The following NOX5 variants were observed in gnomAD, a reference collection of about 807,000 sequenced individuals.
NOX5 encodes NADPH oxidase 5.
NOX5 carries 76 observed loss-of-function variants against 85.7 expected under a neutral mutation model. The observed-to-expected ratio is 0.89, with a 90% confidence interval of 0.74 to 1.07. The LOEUF (loss-of-function observed/expected upper bound fraction) is 1.07, where lower values mean the gene tolerates loss of function less well. Among genes scored for constraint, NOX5 ranks in the 50% least tolerant of loss-of-function variants. The pLI is 0.00. For synonymous variants in NOX5, 405 were observed against 401.4 expected (o/e 1.01, Z -0.11); for missense variants, 973 against 999.5 (o/e 0.97, Z 0.36).
chr15:69,057,334 C>A lies in NOX5; in HGVS notation c.*638C>A, dbSNP rs1012397768. The A allele has an allele frequency of 6.6e-6, 1 of 152,232 alleles. No individual in the cohort carries two copies. The highest frequency in any genetic ancestry group is 2.4e-5 in the African/African-American group (1 of 41,462). 9.4% of individuals were successfully genotyped at this position (152,232 alleles called of 1,614,324 possible). A position where few individuals can be genotyped will look rare whatever the true frequency, so the allele number is the denominator to read the frequency against. ...GAGGAGCCTTCTTCAAATGCACATTCCTTGGTCCCACTACCAGAAATTCTG... is the reference window on the plus strand; with the variant it reads ...GAGGAGCCTTCTTCAAATGCACATTACTTGGTCCCACTACCAGAAATTCTG... On this transcript the variant is annotated 3_prime_UTR_variant, in exon 16 of 16. Coordinates refer to ENST00000388866, the MANE Select transcript of NOX5 (RefSeq NM_024505.4).
intron 1 of NOX5, chr15:69,022,865 G>A (rs1040074166): frequency 7.6e-6 from 3 of 396,018 alleles, no homozygotes; most frequent in Non-Finnish European, 1.5e-5. Context: ...CAACTGGACT[G>A]GACTCAAGCA....
At position 69,037,016 on chromosome 15, in the gene NOX5, C is replaced by T. The variant is rs1555436402; in HGVS notation, c.1189-12C>T. The T allele has an allele frequency of 6.2e-7, 1 of 1,612,294 alleles. No homozygotes were observed. The highest frequency in any genetic ancestry group is 1.1e-5 in the South Asian group (1 of 90,938). The stretch of plus-strand genomic sequence containing the variant: ...GAGCTCTGGAAGTTGACTGCCCCCC[C>T]TACCCCCATAGGTGTTCTATTGGAC... On this transcript the variant is annotated splice_polypyrimidine_tract_variant and intron_variant, in intron 7 of 15. Coordinates refer to ENST00000388866, the MANE Select transcript of NOX5 (RefSeq NM_024505.4).
At chr15:69,045,572 C>CTTTCTTTCTTT (rs748316277) in intron 10 of NOX5, among the ~76,000 whole-genome samples, 8 of 10,412 alleles carry the variant, frequency 7.7e-4, no homozygotes, top group Admixed American at 1.0e-3. Context: ...TTCTTTCTTC[C>CTTTCTTTCTTT]CTTTCTTTCT....
chr15:69,021,349 C>CTTT (rs59303957), intron 1 of NOX5, among the ~76,000 whole-genome samples: 4 of 134,088 alleles, frequency 3.0e-5, no homozygotes, highest in Non-Finnish European at 4.9e-5. Context: ...CTTTTGAATT[C>CTTT]TTTTTTTTTT....
At chr15:69,047,705 C>T (rs1595788031) in intron 12 of NOX5, 125 bp from the exon 13 acceptor site, 3 of 1,287,906 alleles carry the variant, frequency 2.3e-6, no homozygotes, top group South Asian at 2.8e-5. Context: ...TGTGTCTCAT[C>T]CCTCCCCTTC....
rs779515028 is a variant in NOX5 at position 69,042,813 on chromosome 15, G to T, written c.1647+8G>T. On this transcript the variant is annotated splice_region_variant and intron_variant, in intron 10 of 15. Coordinates refer to ENST00000388866, the MANE Select transcript of NOX5 (RefSeq NM_024505.4). The stretch of plus-strand genomic sequence containing the variant: ...AGTCAAAGGTCGTCCAAGGTAGGTG[G>T]CTACTGGAGGGAAGGGGTCCACTCT... The T allele has an allele frequency of 3.1e-6, 5 of 1,612,132 alleles. No individual in the cohort carries two copies. In the South Asian group the frequency reaches 5.5e-5, roughly 18 times the overall value.
At chr15:69,025,396 A>C (rs895752210) in intron 1 of NOX5, among the ~76,000 whole-genome samples, 1 of 152,166 alleles carries the variant, frequency 6.6e-6, no homozygotes, top group African/African-American at 2.4e-5. Context: ...AAGCACAAAA[A>C]TGTGAAAAAT....
rs776354540 is a variant in NOX5 at position 69,033,034 on chromosome 15, C to G, written c.621-9C>G. On this transcript the variant is annotated splice_polypyrimidine_tract_variant and intron_variant, in intron 4 of 15. Coordinates refer to ENST00000388866, the MANE Select transcript of NOX5 (RefSeq NM_024505.4). ...GCTCGCCTCTGAGCGGAACCCGCCTCTCTCGCAGCGCTGCCCACTGGCTGA... is the reference window on the plus strand; with the variant it reads ...GCTCGCCTCTGAGCGGAACCCGCCTGTCTCGCAGCGCTGCCCACTGGCTGA... 1.3e-6 allele frequency: 2 copies of G among 1,551,048 alleles called. No homozygotes were observed. The highest frequency in any genetic ancestry group is 1.7e-6 in the Non-Finnish European group (2 of 1,163,964).
intron 2 of NOX5, 91 bp from the exon 3 acceptor site, chr15:69,028,124 C>A: frequency 7.1e-7 from 1 of 1,414,208 alleles, no homozygotes. Flanking sequence ...ACCCCCCCAC[C>A]ACCACCCCAG....
chr15:69,050,874 T>A (rs1038109223), intron 14 of NOX5, among the ~76,000 whole-genome samples: 3 of 152,224 alleles, frequency 2.0e-5, no homozygotes, highest in African/African-American at 7.2e-5. Flanking sequence ...CCTAATGCGC[T>A]ATATACGGCA....
Position 69,062,571 on chromosome 15 carries a change from G to C in NOX5, c.*5875G>C, listed in dbSNP as rs188294046. 2 of 151,962 alleles carry C rather than the reference G, an allele frequency of 1.3e-5. No individual in the cohort carries two copies. Among genetic ancestry groups the C allele is most frequent in the Non-Finnish European group, 2.9e-5 (2 of 68,034 alleles). 9.4% of individuals were successfully genotyped at this position (151,962 alleles called of 1,614,324 possible). On this transcript the variant is annotated 3_prime_UTR_variant, in exon 16 of 16. Coordinates refer to ENST00000388866, the MANE Select transcript of NOX5 (RefSeq NM_024505.4). Reference sequence around the variant, plus strand: ...TTTTTACTTTAAATAGCATCATTTCGTGCTCCCCCAGGACACTGTGCAGCT... The same window carrying C: ...TTTTTACTTTAAATAGCATCATTTCCTGCTCCCCCAGGACACTGTGCAGCT...
intron 2 of NOX5, among the ~76,000 whole-genome samples, chr15:69,027,364 G>A (rs1232689142): frequency 6.6e-6 from 1 of 152,166 alleles, no homozygotes; most frequent in African/African-American, 2.4e-5. Context: ...AAGACAAAGA[G>A]CATTCGGGAT....
In NOX5 at chr15:69,047,670, T is replaced by G. The variant is rs558638474; in HGVS notation, c.1817+133T>G. The G allele has an allele frequency of 2.0e-4, 268 of 1,361,068 alleles. 2 individuals are homozygous for G. In the South Asian group the frequency reaches 3.6e-3, roughly 18 times the overall value. 84.3% of individuals were successfully genotyped at this position (1,361,068 alleles called of 1,614,324 possible). On this transcript the variant is annotated intron_variant, in intron 12 of 15. Coordinates refer to ENST00000388866, the MANE Select transcript of NOX5 (RefSeq NM_024505.4). Reference sequence around the variant, plus strand: ...TCTCTGCTCTTCTCTCTCTTTCCTCTCCTGCTCTGCCCCCCTCTCCTTTTT... The same window carrying G: ...TCTCTGCTCTTCTCTCTCTTTCCTCGCCTGCTCTGCCCCCCTCTCCTTTTT...
rs368305444 is a variant in NOX5, at chr15:69,031,532, G to T, written c.340G>T (p.Gly114Trp). 11 of 1,608,566 alleles carry T rather than the reference G, an allele frequency of 6.8e-6. No individual in the cohort carries two copies. Reference sequence around the variant, plus strand: ...ACTTCTTGCAGTGTGTGCACGGCAGGGGGCGTCTGCAGGTACAGAGTGGGG... The same window carrying T: ...ACTTCTTGCAGTGTGTGCACGGCAGTGGGCGTCTGCAGGTACAGAGTGGGG... ...VYDIDVCARQGASAGTEWGAG... is the reference protein window; with the variant it reads ...VYDIDVCARQWASAGTEWGAG... Residue 114 changes from glycine (G) to tryptophan (W), a missense_variant, in exon 4 of 16, where the codon GGG (glycine) becomes TGG (tryptophan). Coordinates refer to ENST00000388866, the MANE Select transcript of NOX5 (RefSeq NM_024505.4).
In NOX5 at chr15:69,031,571, C is replaced by A. The variant is rs1246052358; in HGVS notation, c.379C>A (p.Pro127Thr). The change falls in exon 4 of 16, where the codon CCG becomes ACG. Residue 127 changes from proline to threonine, a missense_variant. By Grantham distance (38) the Pro-to-Thr change is conservative. Transcript: ENST00000388866. ...AGTEWGAGAG[P>T]HWASSPLGTG... is the part of the protein sequence containing the mutation. The stretch of plus-strand genomic sequence containing the variant: ...TACAGAGTGGGGTGCTGGGGCAGGC[C>A]CGCACTGGGCTTCATCCCCACTCGG... 1 of 1,612,610 alleles carries A rather than the reference C, an allele frequency of 6.2e-7. No individual in the cohort carries two copies. Among genetic ancestry groups the A allele is most frequent in the East Asian group, 2.2e-5 (1 of 44,876 alleles).
At chr15:69,020,162 A>G (rs1312367133) in intron 1 of NOX5, among the ~76,000 whole-genome samples, 1 of 152,214 alleles carries the variant, frequency 6.6e-6, no homozygotes, top group East Asian at 1.9e-4. Context: ...AAAAGCATTT[A>G]CTGTTATTGT....
At position 69,031,807 on chromosome 15, in the gene NOX5, C is replaced by T. The variant is rs1159884882; in HGVS notation, c.615C>T (p.Thr205=). ...QRFPGVMENL[T]ISAAHWLTAP... ...TCCCCGGAGTCATGGAGAACCTGAC[C>T]ATCAGGTACGGCCGGGTCTCGGGCA... The change falls in exon 4 of 16, where the codon ACC becomes ACT. Residue 205 remains threonine (T), a synonymous_variant. Coordinates refer to ENST00000388866, the MANE Select transcript of NOX5 (RefSeq NM_024505.4). 4 of 1,595,146 alleles carry T rather than the reference C, an allele frequency of 2.5e-6. No individual in the cohort carries two copies. Among genetic ancestry groups the T allele is most frequent in the Non-Finnish European group, 1.7e-6 (2 of 1,166,184 alleles).
intron 11 of NOX5, 53 bp from the exon 12 acceptor site, chr15:69,047,360 G>A (rs2050686896): frequency 6.7e-7 from 1 of 1,503,198 alleles, no homozygotes; most frequent in Admixed American, 2.3e-5. Flanking sequence ...CTGGTAGCAG[G>A]GGAGACCAGC....
chr15:69,015,308 A>C (rs564562178), intron 1 of NOX5, among the ~76,000 whole-genome samples: 1 of 152,090 alleles, frequency 6.6e-6, no homozygotes, highest in Admixed American at 6.5e-5. Context: ...TGGCTGTCCC[A>C]GTCTCTTCTC....
Sources: gnomAD v4.1 joint callset for allele counts (sites outside exome capture counted in the v4.1 genomes callset) on GRCh38, gnomAD v4.1.1 for gene constraint, MANE v1.5 for transcripts, NCBI Gene and HGNC (gene_info 2026-07-23, HGNC 2026-07-21) for gene names.